Variants in NR2F1-AS1 observed in about 807,000 individuals in gnomAD.
NR2F1-AS1 encodes NR2F1 regulatory antisense RNA 1.
chr5:93,467,964 A>G (rs1160497051), intron 4 of NR2F1-AS1, among the ~76,000 whole-genome samples: 1 of 152,192 alleles, frequency 6.6e-6, no homozygotes, highest in African/African-American at 2.4e-5. Context: ...AGCTTCATCC[A>G]TGTCCCTGCA....
chr5:93,411,953 G>A (rs1288690888), intron 4 of NR2F1-AS1, among the ~76,000 whole-genome samples: 1 of 152,148 alleles, frequency 6.6e-6, no homozygotes, highest in Non-Finnish European at 1.5e-5. Context: ...GTGCTGTGAA[G>A]CAATCGGACA....
At chr5:93,487,777 T>G (rs960496288) in intron 4 of NR2F1-AS1, among the ~76,000 whole-genome samples, 6 of 152,072 alleles carry the variant, frequency 3.9e-5, no homozygotes, top group Non-Finnish European at 5.9e-5. Context: ...AAAGAGCCTG[T>G]ATAGCCAACA....
chr5:93,446,638 C>A (rs1580231453), intron 4 of NR2F1-AS1, among the ~76,000 whole-genome samples: 1 of 152,050 alleles, frequency 6.6e-6, no homozygotes, highest in Non-Finnish European at 1.5e-5. Flanking sequence ...CAAAGTAATT[C>A]ATAGATTCAA....
chr5:93,536,843 A>G (rs929149979), intron 4 of NR2F1-AS1, among the ~76,000 whole-genome samples: 3 of 152,142 alleles, frequency 2.0e-5, no homozygotes, highest in African/African-American at 4.8e-5. Context: ...TGTGGAAGGG[A>G]CCTGGTGGGA....
chr5:93,454,503 A>G (rs1004972814), intron 4 of NR2F1-AS1, among the ~76,000 whole-genome samples: 1 of 152,158 alleles, frequency 6.6e-6, no homozygotes, highest in Non-Finnish European at 1.5e-5. Context: ...TTGATCTAAT[A>G]CTTGGTCTTT....
chr5:93,538,559 T>C (rs1002202206), intron 4 of NR2F1-AS1, among the ~76,000 whole-genome samples: 1 of 152,210 alleles, frequency 6.6e-6, no homozygotes, highest in Non-Finnish European at 1.5e-5. Flanking sequence ...TGCACGAAAG[T>C]GTTGAGCATG....
intron 4 of NR2F1-AS1, among the ~76,000 whole-genome samples, chr5:93,516,209 T>C (rs1444068361): frequency 1.3e-5 from 2 of 151,830 alleles, no homozygotes; most frequent in Non-Finnish European, 2.9e-5. Flanking sequence ...TCAAAGGAAG[T>C]AAACAAGGTC....
At chr5:93,544,716 G>A (rs1052799298) in intron 4 of NR2F1-AS1, 12 of 152,096 alleles carry the variant, frequency 7.9e-5, no homozygotes, top group African/African-American at 2.4e-4. Context: ...AAAGTCAAGA[G>A]ATCGAGACCA....
intron 4 of NR2F1-AS1, among the ~76,000 whole-genome samples, chr5:93,525,523 C>T (rs1751593718): frequency 6.6e-6 from 1 of 152,174 alleles, no homozygotes; most frequent in Admixed American, 6.5e-5. Flanking sequence ...TAGACATCTA[C>T]ACAACTCTCC....
At chr5:93,486,055 T>C (rs528477620) in intron 4 of NR2F1-AS1, among the ~76,000 whole-genome samples, 35 of 127,852 alleles carry the variant, frequency 2.7e-4, no homozygotes, top group South Asian at 2.6e-3. Context: ...TAGGTGGGAA[T>C]TGAACAATGA....
At chr5:93,427,559 T>C (rs1254233411) in intron 4 of NR2F1-AS1, among the ~76,000 whole-genome samples, 1 of 152,228 alleles carries the variant, frequency 6.6e-6, no homozygotes, top group Non-Finnish European at 1.5e-5. Context: ...TTCTGTTTTC[T>C]GTATTTTCCT....
At chr5:93,505,941 T>G (rs1264328382) in intron 4 of NR2F1-AS1, among the ~76,000 whole-genome samples, 1 of 152,230 alleles carries the variant, frequency 6.6e-6, no homozygotes, top group Non-Finnish European at 1.5e-5. Context: ...CTTGAATTTC[T>G]CCTCAGAAAA....
chr5:93,538,344 T>G (rs981314388), intron 4 of NR2F1-AS1, among the ~76,000 whole-genome samples: 1 of 151,998 alleles, frequency 6.6e-6, no homozygotes, highest in African/African-American at 2.4e-5. Flanking sequence ...CATGGTGGCA[T>G]GGGCCTGTAG....
chr5:93,576,494 T>C (rs1752898313), intron 1 of NR2F1-AS1, among the ~76,000 whole-genome samples: 1 of 152,064 alleles, frequency 6.6e-6, no homozygotes, highest in African/African-American at 2.4e-5. Context: ...GAGGACATTG[T>C]AATAAATATA....
upstream of NR2F1-AS1, among the ~76,000 whole-genome samples, chr5:93,582,866 A>T (rs1753139909): frequency 6.6e-6 from 1 of 151,914 alleles, no homozygotes; most frequent in Non-Finnish European, 1.5e-5. Context: ...ATCTCAATGT[A>T]AATTGCGCTT....
intron 4 of NR2F1-AS1, among the ~76,000 whole-genome samples, chr5:93,536,191 A>G (rs1433564560): frequency 2.6e-5 from 4 of 152,204 alleles, no homozygotes; most frequent in Admixed American, 2.6e-4. Flanking sequence ...TCCATTTCCA[A>G]TAGCTACCAA....
chr5:93,453,604 GA>G (rs1163112942), intron 4 of NR2F1-AS1, among the ~76,000 whole-genome samples: 1 of 151,768 alleles, frequency 6.6e-6, no homozygotes, highest in Non-Finnish European at 1.5e-5. Flanking sequence ...CAGAGAGCAG[GA>G]AAAAAAGACA....
chr5:93,475,232 G>T (rs1417291605), intron 4 of NR2F1-AS1, among the ~76,000 whole-genome samples: 1 of 151,916 alleles, frequency 6.6e-6, no homozygotes, highest in African/African-American at 2.4e-5. Flanking sequence ...GGGACTCAAA[G>T]GACTATATGA....
At chr5:93,430,342 T>C (rs574008555) in intron 4 of NR2F1-AS1, among the ~76,000 whole-genome samples, 30 of 152,316 alleles carry the variant, frequency 2.0e-4, no homozygotes, top group Middle Eastern at 6.8e-3. Context: ...CACTGCACTC[T>C]TCGTGTCGTG....
Sources: allele counts gnomAD v4.1 joint callset (sites outside exome capture counted in the v4.1 genomes callset), GRCh38; gene constraint gnomAD v4.1.1; transcripts MANE v1.5; gene names NCBI Gene and HGNC (gene_info 2026-07-23, HGNC 2026-07-21).